The following RBM47 variants were observed in gnomAD, a reference collection of about 807,000 sequenced individuals.
The protein encoded by RBM47 is RNA binding motif protein 47, also known as RNA-binding protein 47.
In RBM47, 21 loss-of-function variants were observed where a neutral mutation model predicts 47.1. The observed-to-expected ratio is 0.45, with a 90% confidence interval of 0.32 to 0.64. The LOEUF (loss-of-function observed/expected upper bound fraction) is 0.64, where lower values mean the gene tolerates loss of function less well. RBM47 is among the 30% of genes least tolerant of loss of function. The probability of loss-of-function intolerance (pLI) is 0.05; values close to 1 mark genes in which losing one functional copy is unlikely to be tolerated. For synonymous variants in RBM47, 375 were observed against 361.7 expected (o/e 1.04, Z -0.42); for missense variants, 708 against 870.9 (o/e 0.81, Z 2.35).
At chr4:40,557,579 T>A (rs1730221281) in intron 1 of RBM47, among the ~76,000 whole-genome samples, 1 of 152,062 alleles carries the variant, frequency 6.6e-6, no homozygotes, top group Non-Finnish European at 1.5e-5. Context: ...TGAAACTCCG[T>A]CTCTACCAAA....
Position 40,438,216 on chromosome 4 carries a change from G to A in RBM47, c.678C>T (p.Ile226=), listed in dbSNP as rs780365483. 8.1e-6 allele frequency: 13 copies of A among 1,606,014 alleles called. No homozygotes were observed. The Admixed American group carries it at 1.8e-4, about 23-fold the overall frequency. ...TCTCAGGTTCGGCCCAGTCCACGGC[G>A]ATCTGGTGGCCCCACAGCTGGATGC... The part of the protein sequence containing the change: ...PGRIQLWGHQ[I]AVDWAEPEID... The change falls in exon 4 of 7, where the codon ATC becomes ATT. Residue 226 remains isoleucine (I), a synonymous_variant. Coordinates refer to ENST00000295971, the MANE Select transcript of RBM47 (RefSeq NM_001098634.2).
chr4:40,614,123 G>A (rs1001565365), intron 1 of RBM47, among the ~76,000 whole-genome samples: 5 of 152,130 alleles, frequency 3.3e-5, no homozygotes, highest in African/African-American at 7.2e-5. Context: ...TATCTCAGAA[G>A]GGATCTGAGA....
At chr4:40,538,029 T>C (rs1728149365) in intron 2 of RBM47, among the ~76,000 whole-genome samples, 1 of 151,826 alleles carries the variant, frequency 6.6e-6, no homozygotes, top group African/African-American at 2.4e-5. Context: ...TCTTGGAAAG[T>C]TCTTCAGTCT....
At chr4:40,525,541 G>A (rs1313659294) in intron 2 of RBM47, among the ~76,000 whole-genome samples, 2 of 152,120 alleles carry the variant, frequency 1.3e-5, no homozygotes, top group Non-Finnish European at 2.9e-5. Context: ...TTATTAAGGT[G>A]AGGCACACTG....
At chr4:40,426,310 A>G in intron 6 of RBM47, 167 bp from the exon 7 acceptor site, 1 of 827,382 alleles carries the variant, frequency 1.2e-6, no homozygotes, top group South Asian at 1.9e-5. Flanking sequence ...GTGGGAGAAG[A>G]GCCACTGAAG....
chr4:40,501,800 T>A (rs775419561), intron 2 of RBM47, among the ~76,000 whole-genome samples: 3 of 152,178 alleles, frequency 2.0e-5, no homozygotes, highest in Non-Finnish European at 4.4e-5. Context: ...AAGCTTCCAA[T>A]ACACTTTAAT....
chr4:40,550,657 G>C (rs1729475106), intron 1 of RBM47, among the ~76,000 whole-genome samples: 1 of 152,046 alleles, frequency 6.6e-6, no homozygotes, highest in African/African-American at 2.4e-5. Flanking sequence ...GACCTCAAGT[G>C]ATCCGCCCAC....
intron 1 of RBM47, among the ~76,000 whole-genome samples, chr4:40,551,494 T>G (rs939951491): frequency 6.6e-6 from 1 of 151,900 alleles, no homozygotes; most frequent in Non-Finnish European, 1.5e-5. Flanking sequence ...AAACAAATAG[T>G]ACCTAATAAA....
At chr4:40,475,625 T>C (rs1486555005) in intron 2 of RBM47, 2 of 152,242 alleles carry the variant, frequency 1.3e-5, no homozygotes, top group African/African-American at 2.4e-5. Context: ...TGGTCTGATC[T>C]AAATTGCTTT....
At chr4:40,429,688 CAAAAAAAAAAA>C (rs60673202) in intron 6 of RBM47, among the ~76,000 whole-genome samples, 7 of 38,104 alleles carry the variant, frequency 1.8e-4, no homozygotes, top group East Asian at 1.0e-3. Flanking sequence ...GACTCCATCT[CAAAAAAAAAAA>C]AAAAAAAAAA....
intron 2 of RBM47, among the ~76,000 whole-genome samples, chr4:40,532,307 G>A (rs1384788042): frequency 8.0e-6 from 1 of 125,760 alleles, no homozygotes; most frequent in African/African-American, 3.2e-5. Context: ...ACCACGCCCG[G>A]CATTTTTTTT....
intron 2 of RBM47, among the ~76,000 whole-genome samples, chr4:40,498,052 TTTTATATATATA>T (rs1253019658): frequency 9.3e-5 from 7 of 75,210 alleles, no homozygotes; most frequent in African/African-American, 2.3e-4. Context: ...TAAGTGCTTG[TTTTATATATATA>T]TATATATATA....
At chr4:40,579,347 G>A (rs6810783) in intron 1 of RBM47, among the ~76,000 whole-genome samples, 87,999 of 147,784 alleles carry the variant, frequency 0.6, 26,642 homozygotes, top group East Asian at 0.72. Flanking sequence ...ACTTGAACCC[G>A]GGAGGTGGAG....
intron 2 of RBM47, among the ~76,000 whole-genome samples, chr4:40,535,374 T>TTTTTTTTTTTTTTTC (rs1560452320): frequency 3.8e-5 from 5 of 130,408 alleles, no homozygotes; most frequent in African/African-American, 1.6e-4. Flanking sequence ...GGTATTTCTT[T>TTTTTTTTTTTTTTTC]TTTTTTTTTT....
intron 1 of RBM47, among the ~76,000 whole-genome samples, chr4:40,595,906 C>T (rs920311267): frequency 1.3e-5 from 2 of 150,888 alleles, no homozygotes; most frequent in Admixed American, 6.6e-5. Context: ...CTTCGTCCCC[C>T]CTGCCAAAAA....
intron 3 of RBM47, among the ~76,000 whole-genome samples, chr4:40,455,822 A>G (rs2154220379): frequency 6.6e-6 from 1 of 152,338 alleles, no homozygotes; most frequent in East Asian, 1.9e-4. Flanking sequence ...GCCCTTTGTT[A>G]TTATTTCAGA....
intron 6 of RBM47, among the ~76,000 whole-genome samples, chr4:40,430,940 C>T (rs1043884437): frequency 4.6e-5 from 7 of 151,894 alleles, no homozygotes; most frequent in East Asian, 1.9e-4. Context: ...AAAAGTTAGC[C>T]GGGCATGGTG....
intron 2 of RBM47, among the ~76,000 whole-genome samples, chr4:40,472,418 C>CA (rs200134955): frequency 7.8e-4 from 119 of 151,984 alleles, no homozygotes; most frequent in African/African-American, 2.6e-3. Flanking sequence ...CTGCTAAATA[C>CA]AAAAAATTAG....
At chr4:40,528,442 C>A (rs1306184299) in intron 2 of RBM47, among the ~76,000 whole-genome samples, 1 of 151,454 alleles carries the variant, frequency 6.6e-6, no homozygotes, top group Non-Finnish European at 1.5e-5. Flanking sequence ...TGGTCTCTCA[C>A]TGAGAAAACA....
Sources: allele counts gnomAD v4.1 joint callset (sites outside exome capture counted in the v4.1 genomes callset), GRCh38; gene constraint gnomAD v4.1.1; transcripts MANE v1.5; gene names NCBI Gene and HGNC (gene_info 2026-07-23, HGNC 2026-07-21).